PDE4B: variants seen among roughly 807,000 people sequenced by gnomAD.
PDE4B encodes the protein 3',5'-cyclic-AMP phosphodiesterase 4B.
A neutral mutation model predicts 82.2 loss-of-function variants in PDE4B; 20 were observed. The ratio of observed to expected loss-of-function variants is 0.24; its 90% confidence interval spans 0.17 to 0.35. The LOEUF (loss-of-function observed/expected upper bound fraction) is 0.35, where lower values mean the gene tolerates loss of function less well. PDE4B is among the 10% of genes least tolerant of loss of function. PDE4B has a pLI of 1.00. For synonymous variants in PDE4B, 320 were observed against 318.9 expected, an observed-to-expected ratio of 1.00 and a Z score of -0.04; for missense variants, 655 against 907.2, an observed-to-expected ratio of 0.72 and a Z score of 3.57.
At chr1:66,107,565 A>T (rs931853106) in intron 3 of PDE4B, among the ~76,000 whole-genome samples, 1 of 151,892 alleles carries the variant, frequency 6.6e-6, no homozygotes, top group Non-Finnish European at 1.5e-5. Context: ...TGGTAAGTCC[A>T]CCTGGATGAC....
At chr1:66,337,023 A>C (rs1418470575) in intron 8 of PDE4B, among the ~76,000 whole-genome samples, 2 of 152,222 alleles carry the variant, frequency 1.3e-5, no homozygotes, top group African/African-American at 4.8e-5. Flanking sequence ...CTAAATAATC[A>C]ATAACTATGG....
chr1:65,837,513 C>T (rs1272458435), intron 1 of PDE4B, among the ~76,000 whole-genome samples: 2 of 152,164 alleles, frequency 1.3e-5, no homozygotes, highest in Admixed American at 6.5e-5. Context: ...GAGGCTGAGG[C>T]AGGAGAATTG....
intron 7 of PDE4B, among the ~76,000 whole-genome samples, chr1:66,305,837 G>A (rs1658234787): frequency 1.3e-5 from 2 of 152,012 alleles, no homozygotes; most frequent in Admixed American, 1.3e-4. Context: ...TCTATCACAA[G>A]CCAGTAATAA....
At chr1:66,247,379 C>A in intron 3 of PDE4B, 81 bp from the exon 4 acceptor site, 1 of 872,204 alleles carries the variant, frequency 1.1e-6, no homozygotes, top group South Asian at 1.9e-5. Flanking sequence ...ATAGTACCTG[C>A]CACACGTTGG....
At chr1:66,280,004 A>G (rs187744741) in intron 7 of PDE4B, among the ~76,000 whole-genome samples, 18 of 152,344 alleles carry the variant, frequency 1.2e-4, no homozygotes, top group African/African-American at 3.4e-4. Context: ...GTCAGCACAT[A>G]CAACTAATTA....
At chr1:66,035,415 C>T (rs1654009303) in intron 3 of PDE4B, among the ~76,000 whole-genome samples, 1 of 152,110 alleles carries the variant, frequency 6.6e-6, no homozygotes. Flanking sequence ...CAATGGAACA[C>T]CAGAACTTAT....
rs921760708 is a variant in PDE4B, at chr1:66,273,716, C to T, written c.634+7629C>T. ...TATCCTCAATTTATAACATAAAGCC[C>T]GGGACATAGCAAATGCTCAATAAAT... On this transcript the variant is annotated intron_variant, in intron 7 of 16. Coordinates refer to ENST00000341517, the MANE Select transcript of PDE4B (RefSeq NM_002600.4). 7.9e-5 allele frequency among the ~76,000 whole-genome samples: 12 copies of T among 152,284 alleles called. No individual in the cohort carries two copies. In the South Asian group the frequency reaches 8.3e-4, roughly 11 times the overall value.
intron 3 of PDE4B, among the ~76,000 whole-genome samples, chr1:66,241,314 G>A (rs1335801133): frequency 6.6e-6 from 1 of 152,204 alleles, no homozygotes; most frequent in Non-Finnish European, 1.5e-5. Context: ...GCAGCCTGCA[G>A]TGACTAATTA....
intron 3 of PDE4B, among the ~76,000 whole-genome samples, chr1:66,084,129 A>T (rs1204122083): frequency 6.6e-6 from 1 of 152,154 alleles, no homozygotes; most frequent in Non-Finnish European, 1.5e-5. Flanking sequence ...TACAAGAGAG[A>T]TAGAAAATAT....
intron 3 of PDE4B, among the ~76,000 whole-genome samples, chr1:66,079,166 TTCTCTCTC>T (rs148765561): frequency 7.0e-4 from 100 of 142,162 alleles, no homozygotes; most frequent in Non-Finnish European, 7.6e-4. Flanking sequence ...CCTGCTTCTT[TTCTCTCTC>T]TCTCTCTCTC....
In PDE4B at chr1:66,142,219, C is replaced by A. The variant is rs1253217351; in HGVS notation, c.282-105241C>A. Among the ~76,000 whole-genome samples the A allele has an allele frequency of 2.6e-5, 4 of 152,046 alleles. No homozygotes were observed. The East Asian group carries it at 7.7e-4, about 29-fold the overall frequency. On this transcript the variant is annotated intron_variant, in intron 3 of 16. Coordinates refer to ENST00000341517, the MANE Select transcript of PDE4B (RefSeq NM_002600.4). ...GGTGGTCTTGCTGTCTCAGGGGTGG[C>A]AGAGGCAGAAGAAAATTTGGGATAA...
chr1:66,327,318 A>G (rs1251424912), intron 7 of PDE4B, among the ~76,000 whole-genome samples: 2 of 152,272 alleles, frequency 1.3e-5, no homozygotes, highest in Admixed American at 6.5e-5. Flanking sequence ...GTTGCTCAGC[A>G]GTTTGTACAA....
At chr1:66,172,273 AC>A (rs1241403056) in intron 3 of PDE4B, among the ~76,000 whole-genome samples, 2 of 152,214 alleles carry the variant, frequency 1.3e-5, no homozygotes, top group Non-Finnish European at 2.9e-5. Flanking sequence ...GCCGCAAAGG[AC>A]ATGACTTCAT....
intron 1 of PDE4B, among the ~76,000 whole-genome samples, chr1:65,816,894 A>G (rs1645892072): frequency 6.6e-6 from 1 of 152,254 alleles, no homozygotes; most frequent in Admixed American, 6.5e-5. Flanking sequence ...TAACAAAGCC[A>G]ACACAAATAC....
intron 3 of PDE4B, among the ~76,000 whole-genome samples, chr1:66,062,560 T>C (rs1489476813): frequency 6.6e-6 from 1 of 152,012 alleles, no homozygotes; most frequent in African/African-American, 2.4e-5. Context: ...CAAATAGAGA[T>C]TATAGTGAAA....
At chr1:65,832,506 A>T (rs748171309) in intron 1 of PDE4B, among the ~76,000 whole-genome samples, 6 of 152,188 alleles carry the variant, frequency 3.9e-5, no homozygotes, top group African/African-American at 7.2e-5. Flanking sequence ...CAAGACTGAG[A>T]GTTTTTGTGG....
chr1:66,115,687 A>G (rs1309859615), intron 3 of PDE4B, among the ~76,000 whole-genome samples: 2 of 152,196 alleles, frequency 1.3e-5, no homozygotes, highest in Non-Finnish European at 2.9e-5. Context: ...TGTGTGGACA[A>G]ATTTCTCAGA....
intron 4 of PDE4B, among the ~76,000 whole-genome samples, chr1:66,250,104 A>G (rs1653634936): frequency 6.6e-6 from 1 of 152,214 alleles, no homozygotes; most frequent in Non-Finnish European, 1.5e-5. Flanking sequence ...TCTGAATCTG[A>G]ACTAAAGTAA....
At chr1:66,231,951 C>A (rs1469358052) in intron 3 of PDE4B, among the ~76,000 whole-genome samples, 3 of 152,172 alleles carry the variant, frequency 2.0e-5, no homozygotes, top group African/African-American at 7.2e-5. Flanking sequence ...GGCCATCTCC[C>A]AAACCTGACT....
Sources: allele counts gnomAD v4.1 joint callset (sites outside exome capture counted in the v4.1 genomes callset), GRCh38; gene constraint gnomAD v4.1.1; transcripts MANE v1.5; gene names NCBI Gene and HGNC (gene_info 2026-07-23, HGNC 2026-07-21).